TSPAN18: variants seen among roughly 807,000 people sequenced by gnomAD.
TSPAN18 encodes the protein tetraspanin-18.
In TSPAN18, 14 loss-of-function variants were observed where a neutral mutation model predicts 27.3. That is an observed-to-expected ratio of 0.51 (90% CI 0.34 to 0.80). TSPAN18 has a LOEUF of 0.80. Ranked by LOEUF, TSPAN18 falls within the 30% of genes least tolerant of loss-of-function variation. The pLI, the probability that TSPAN18 is intolerant of heterozygous loss-of-function variation, is 0.01. For synonymous variants in TSPAN18, 143 were observed against 136.5 expected (o/e 1.05, Z -0.33); for missense variants, 268 against 323.9 (o/e 0.83, Z 1.32).
chr11:44,742,772 G>T (rs1854975573), intron 1 of TSPAN18, among the ~76,000 whole-genome samples: 3 of 152,198 alleles, frequency 2.0e-5, no homozygotes, highest in South Asian at 4.1e-4. Context: ...AGAGCAAGAG[G>T]GTGGGAGGAG....
At chr11:44,734,307 C>G (rs1453015318) in intron 1 of TSPAN18, among the ~76,000 whole-genome samples, 1 of 152,246 alleles carries the variant, frequency 6.6e-6, no homozygotes, top group Non-Finnish European at 1.5e-5. Context: ...CCCTAGGAGG[C>G]TTTCCAGGTC....
chr11:44,785,571 G>A (rs554392217), intron 2 of TSPAN18, among the ~76,000 whole-genome samples: 19 of 118,600 alleles, frequency 1.6e-4, no homozygotes, highest in Admixed American at 3.4e-4. Flanking sequence ...TGCCTCATTT[G>A]TGCTTTGGCC....
chr11:44,839,983 G>A (rs1857339296), intron 2 of TSPAN18, among the ~76,000 whole-genome samples: 1 of 152,152 alleles, frequency 6.6e-6, no homozygotes, highest in Admixed American at 6.5e-5. Flanking sequence ...GATTGTGATG[G>A]GACCCATGGC....
At chr11:44,908,072 G>GAAAA (rs1859524120) in intron 4 of TSPAN18, among the ~76,000 whole-genome samples, 2 of 92,486 alleles carry the variant, frequency 2.2e-5, no homozygotes, top group African/African-American at 4.4e-5. Flanking sequence ...AAAAAAAAAG[G>GAAAA]AGAGAGACAC....
At chr11:44,812,123 A>G (rs1856731205) in intron 2 of TSPAN18, among the ~76,000 whole-genome samples, 1 of 152,178 alleles carries the variant, frequency 6.6e-6, no homozygotes, top group Admixed American at 6.5e-5. Flanking sequence ...AGCTGGGGGC[A>G]TCCTCCGTCC....
chr11:44,821,534 C>T lies in TSPAN18; in HGVS notation c.-152-38794C>T, dbSNP rs148739372. ...GGCCTCTCTTGAAGTACATCATCTT[C>T]ATTATTTTTCTCAGATAATTTCTCT... On this transcript the variant is annotated intron_variant, in intron 2 of 9. Coordinates refer to ENST00000520358, the MANE Select transcript of TSPAN18 (RefSeq NM_130783.5). Among the ~76,000 whole-genome samples, 26 of 152,266 alleles carry T rather than the reference C, an allele frequency of 1.7e-4. No homozygotes were observed. The East Asian group carries it at 4.1e-3, about 24-fold the overall frequency.
intron 4 of TSPAN18, among the ~76,000 whole-genome samples, chr11:44,908,823 G>GAAAGAA (rs1293308264): frequency 1.8e-5 from 2 of 112,170 alleles, no homozygotes; most frequent in South Asian, 2.7e-4. Flanking sequence ...AAGAAAGAAA[G>GAAAGAA]AAAGAAAAAG....
chr11:44,880,205 G>C (rs1325486827), intron 3 of TSPAN18, among the ~76,000 whole-genome samples: 2 of 152,204 alleles, frequency 1.3e-5, no homozygotes, highest in East Asian at 3.8e-4. Context: ...CGCTGAGTGA[G>C]GTTTTCCAAG....
intron 1 of TSPAN18, among the ~76,000 whole-genome samples, chr11:44,731,008 CTTG>C (rs1406218756): frequency 1.3e-5 from 2 of 152,208 alleles, no homozygotes; most frequent in Non-Finnish European, 2.9e-5. Context: ...CATCTGGGTA[CTTG>C]TTGTCTTAAG....
At chr11:44,815,203 T>G (rs1038106217) in intron 2 of TSPAN18, among the ~76,000 whole-genome samples, 9 of 152,226 alleles carry the variant, frequency 5.9e-5, no homozygotes, top group African/African-American at 2.2e-4. Flanking sequence ...CAGGCCCCAC[T>G]GGGACCTGCC....
intron 2 of TSPAN18, among the ~76,000 whole-genome samples, chr11:44,845,773 G>A (rs1348353044): frequency 6.6e-6 from 1 of 152,224 alleles, no homozygotes; most frequent in Non-Finnish European, 1.5e-5. Flanking sequence ...TCTGCCCTCT[G>A]TGCCGTCTCC....
chr11:44,867,326 C>G (rs1413637892), intron 3 of TSPAN18, among the ~76,000 whole-genome samples: 1 of 150,778 alleles, frequency 6.6e-6, no homozygotes, highest in African/African-American at 2.4e-5. Flanking sequence ...ATGCATCAGC[C>G]CATAGACCAG....
At position 44,930,932 on chromosome 11, in the gene TSPAN18, T is replaced by C. The variant is rs538866293; in HGVS notation, c.*1754T>C. 3.8e-6 allele frequency: 2 copies of C among 520,058 alleles called. No homozygotes were observed. Among genetic ancestry groups the C allele is most frequent in the East Asian group, 5.7e-5 (1 of 17,680 alleles). The allele number at this position is 520,058 out of a possible 1,614,324, so 32.2% of individuals were successfully genotyped here. On this transcript the variant is annotated 3_prime_UTR_variant, in exon 10 of 10. Coordinates refer to ENST00000520358, the MANE Select transcript of TSPAN18 (RefSeq NM_130783.5). Reference sequence around the variant, plus strand: ...CAGCTTCCAGCCTCCCCTCAGGCTTTCCAGTCACCAGGGACACTCGGAGCC... The same window carrying C: ...CAGCTTCCAGCCTCCCCTCAGGCTTCCCAGTCACCAGGGACACTCGGAGCC...
chr11:44,753,519 G>A (rs1855261204), intron 1 of TSPAN18, among the ~76,000 whole-genome samples: 2 of 152,108 alleles, frequency 1.3e-5, no homozygotes, highest in Admixed American at 1.3e-4. Context: ...ATCTTCCTGG[G>A]GGTCCCAGGG....
At chr11:44,771,635 A>G (rs1250098957) in intron 2 of TSPAN18, among the ~76,000 whole-genome samples, 2 of 152,220 alleles carry the variant, frequency 1.3e-5, no homozygotes, top group South Asian at 4.1e-4. Flanking sequence ...CTCTGTATCC[A>G]TGGATTCTGT....
chr11:44,909,740 G>T lies in TSPAN18; in HGVS notation c.99G>T (p.Trp33Cys), dbSNP rs1859635898. The change falls in exon 5 of 10, where the codon TGG becomes TGT. Residue 33 changes from tryptophan (W) to cysteine (C), a missense_variant. By Grantham distance (215) the Trp-to-Cys change is radical. Coordinates refer to ENST00000520358, the MANE Select transcript of TSPAN18 (RefSeq NM_130783.5). Reference protein sequence around the residue: ...GGACLLAIGIWVMVDPTGFRE... With the variant: ...GGACLLAIGICVMVDPTGFRE... ...CCTGCCTGCTGGCCATCGGCATCTG[G>T]GTCATGGTGGACCCCACCGGCTTCC... 8 of 1,612,840 alleles carry T rather than the reference G, an allele frequency of 5.0e-6. No individual in the cohort carries two copies. The East Asian group carries it at 1.8e-4, about 36-fold the overall frequency.
In TSPAN18 at chr11:44,918,042, A is replaced by G. The variant is rs1859978400; in HGVS notation, c.329A>G (p.Glu110Gly). 1 of 1,613,862 alleles carries G rather than the reference A, an allele frequency of 6.2e-7. No individual in the cohort carries two copies. Among genetic ancestry groups the G allele is most frequent in the African/African-American group, 1.3e-5 (1 of 74,930 alleles). Reference sequence around the variant, plus strand: ...GCCATCCTGGCCTTCATCTTCAGGGAAAATGTACGTATCAGGCCCCAAGCT... The same window carrying G: ...GCCATCCTGGCCTTCATCTTCAGGGGAAATGTACGTATCAGGCCCCAAGCT... ...SAAILAFIFR[E>G]NLTREFFTKE... Residue 110 changes from glutamate to glycine, a missense_variant, in exon 6 of 10, where the codon GAA becomes GGA. Glu to Gly is a moderately conservative substitution (Grantham distance 98). Transcript: ENST00000520358.
At chr11:44,909,625 T>G in intron 4 of TSPAN18, 80 bp from the exon 5 acceptor site, 1 of 1,470,906 alleles carries the variant, frequency 6.8e-7, no homozygotes, top group Non-Finnish European at 9.2e-7. Flanking sequence ...TGGGGCTGGC[T>G]CAGGGGAGTG....
chr11:44,802,800 A>G (rs1856511800), intron 2 of TSPAN18, among the ~76,000 whole-genome samples: 1 of 152,120 alleles, frequency 6.6e-6, no homozygotes, highest in Non-Finnish European at 1.5e-5. Context: ...AAGCAAAATA[A>G]TACAAAGGGC....
Sources: allele counts gnomAD v4.1 joint callset (sites outside exome capture counted in the v4.1 genomes callset), GRCh38; gene constraint gnomAD v4.1.1; transcripts MANE v1.5; gene names NCBI Gene and HGNC (gene_info 2026-07-23, HGNC 2026-07-21).